NFIB: variants seen among roughly 807,000 people sequenced by gnomAD.
NFIB encodes nuclear factor I B.
Under a neutral mutation model 61.5 loss-of-function variants are expected in NFIB, and 11 were observed. The ratio of observed to expected loss-of-function variants is 0.18; its 90% CI spans 0.11 to 0.30. The LOEUF (loss-of-function observed/expected upper bound fraction) is 0.30, where lower values mean the gene tolerates loss of function less well. NFIB is among the 10% of genes least tolerant of loss of function. The probability of loss-of-function intolerance (pLI) is 1.00; values close to 1 mark genes in which losing one functional copy is unlikely to be tolerated. For missense variants in NFIB, 471 were observed against 608.9 expected (o/e 0.77, Z 2.38); for synonymous variants, 260 against 216.5 (o/e 1.20, Z -1.76).
the NFIB span, among the ~76,000 whole-genome samples, chr9:14,488,326 G>A: frequency 1.7e-4 from 26 of 150,040 alleles, no homozygotes; most frequent in African/African-American, 4.9e-4. Flanking sequence ...TCACACCACC[G>A]CACTTCAATC....
At chr9:14,107,091 T>TGAA (rs1228239043) in intron 10 of NFIB, among the ~76,000 whole-genome samples, 3 of 151,978 alleles carry the variant, frequency 2.0e-5, no homozygotes, top group Admixed American at 2.0e-4. Context: ...TTTTAAGGGG[T>TGAA]GAAGGCTCTT....
At position 14,085,377 on chromosome 9, in the gene NFIB, G is replaced by C. The variant is rs1001716072; in HGVS notation, c.*2932C>G. The C allele has an allele frequency of 1.8e-5, 4 of 224,490 alleles. No individual in the cohort carries two copies. The Admixed American group carries it at 2.3e-4, about 13-fold the overall frequency. 13.9% of individuals were successfully genotyped at this position (224,490 alleles called of 1,614,324 possible). A position where few individuals can be genotyped will look rare whatever the true frequency, so the allele number is the denominator to read the frequency against. On this transcript the variant is annotated 3_prime_UTR_variant, in exon 11 of 11. Transcript: ENST00000380953. ...TTCTAGTAATGAATACACTCAATGG[G>C]ACTGGGCGGTGAGGGAAAGGCAAAA...
intron 8 of NFIB, among the ~76,000 whole-genome samples, chr9:14,117,960 A>G (rs770162696): frequency 6.6e-5 from 10 of 152,154 alleles, no homozygotes; most frequent in African/African-American, 9.6e-5. Context: ...ACAGCTGACT[A>G]GAAGTGAATG....
chr9:14,086,486 C>G lies in NFIB; in HGVS notation c.*1823G>C. 1 of 214,610 alleles carries G rather than the reference C, an allele frequency of 4.7e-6. No individual in the cohort carries two copies. Among genetic ancestry groups the G allele is most frequent in the Non-Finnish European group, 9.4e-6 (1 of 106,526 alleles). 13.3% of individuals were successfully genotyped at this position (214,610 alleles called of 1,614,324 possible). ...TTGCATAATTCGTATAAATTTGAAA[C>G]CCCTCCCCCCCAAATATTAATTGGA... On this transcript the variant is annotated 3_prime_UTR_variant, in exon 11 of 11. Transcript: ENST00000380953.
intron 1 of NFIB, among the ~76,000 whole-genome samples, chr9:14,389,245 T>C (rs981287307): frequency 6.6e-6 from 1 of 152,196 alleles, no homozygotes; most frequent in African/African-American, 2.4e-5. Context: ...TTCCTGGTGC[T>C]CATGATTCTT....
chr9:14,231,396 C>T (rs538097645), intron 2 of NFIB, among the ~76,000 whole-genome samples: 4 of 151,942 alleles, frequency 2.6e-5, no homozygotes, highest in Non-Finnish European at 5.9e-5. Context: ...TTACACACTT[C>T]ACTGTTCAAG....
chr9:14,245,648 G>A (rs1196658926), intron 2 of NFIB, among the ~76,000 whole-genome samples: 1 of 152,094 alleles, frequency 6.6e-6, no homozygotes, highest in Admixed American at 6.6e-5. Flanking sequence ...AAAGGCAGGT[G>A]GATTACTTGA....
chr9:14,132,333 T>C (rs1049563492), intron 6 of NFIB, among the ~76,000 whole-genome samples: 17 of 152,210 alleles, frequency 1.1e-4, no homozygotes, highest in Admixed American at 4.6e-4. Context: ...TACTTGTAAC[T>C]TGTAAACAAG....
the NFIB span, among the ~76,000 whole-genome samples, chr9:14,455,407 C>T: frequency 3.3e-5 from 5 of 152,130 alleles, no homozygotes; most frequent in African/African-American, 7.2e-5. Context: ...AGTGGTATGT[C>T]GCAATAGCCA....
upstream of NFIB, among the ~76,000 whole-genome samples, chr9:14,315,440 G>A (rs1324842573): frequency 4.0e-5 from 6 of 149,322 alleles, no homozygotes; most frequent in African/African-American, 9.8e-5. Flanking sequence ...CCCGCTGGCT[G>A]GCTCCCAATC....
the NFIB span, among the ~76,000 whole-genome samples, chr9:14,498,410 G>C: frequency 2.6e-4 from 39 of 152,274 alleles, no homozygotes; most frequent in African/African-American, 9.1e-4. Context: ...TGTCCTACTG[G>C]GTAGCGTGGA....
At chr9:14,305,880 G>A (rs749962457) in intron 2 of NFIB, 47 of 746,148 alleles carry the variant, frequency 6.3e-5, no homozygotes, top group Non-Finnish European at 8.1e-5. Flanking sequence ...GTTTGGAAAT[G>A]ACCTACCATC....
In NFIB at chr9:14,179,767, T is replaced by C; in HGVS notation, c.576A>G (p.Ser192=). ...CAGGATCATTGTGGCTTGGACTTCC[T>C]GATTGTCCAGAATCTGTAAAGAAAT... ...YYVQEQDSGQ[S]GSPSHNDPAK... The change falls in exon 3 of 11, where the codon TCA becomes TCG. Residue 192 remains serine (S), a synonymous_variant. Transcript: ENST00000380953. The C allele has an allele frequency of 6.2e-7, 1 of 1,613,412 alleles. No individual in the cohort carries two copies. The highest frequency in any genetic ancestry group is 8.5e-7 in the Non-Finnish European group (1 of 1,179,572).
Position 14,356,779 on chromosome 9 carries a change from T to C in NFIB, c.108+41745A>G, listed in dbSNP as rs551923542. Among the ~76,000 whole-genome samples the C allele has an allele frequency of 2.2e-4, 33 of 152,200 alleles. 1 individual carries two copies. In the South Asian group the frequency reaches 6.6e-3, roughly 31 times the overall value. On this transcript the variant is annotated intron_variant, in intron 1 of 8. Coordinates refer to the NFIB transcript ENST00000380934. ...ATTATGAATAATGATACACTTCAGT[T>C]TTATAGTGCATGCCATACCAGTGGA...
the NFIB span, among the ~76,000 whole-genome samples, chr9:14,473,305 T>C: frequency 6.6e-6 from 1 of 152,222 alleles, no homozygotes; most frequent in Non-Finnish European, 1.5e-5. Flanking sequence ...AGAAAATCAA[T>C]GGTCATTTGA....
the NFIB span, among the ~76,000 whole-genome samples, chr9:14,416,188 T>C: frequency 2.6e-5 from 4 of 152,236 alleles, no homozygotes; most frequent in Non-Finnish European, 5.9e-5. Flanking sequence ...AAACCACATA[T>C]ACCATAATGG....
rs905805785 is a variant in NFIB at position 14,398,156 on chromosome 9, C to G, written c.108+368G>C. On this transcript the variant is annotated intron_variant, in intron 1 of 8. Coordinates refer to the NFIB transcript ENST00000380934. The stretch of plus-strand genomic sequence containing the variant: ...AGGTATAAAAAAACAAAGAAAGATA[C>G]TTATCTTCATTTCGTGGATTATTTC... Among the ~76,000 whole-genome samples the G allele has an allele frequency of 4.6e-5, 7 of 152,216 alleles. No individual in the cohort carries two copies. In the East Asian group the frequency reaches 1.4e-3, roughly 29 times the overall value.
intron 1 of NFIB, among the ~76,000 whole-genome samples, chr9:14,368,786 A>T (rs1004747701): frequency 1.3e-5 from 2 of 152,212 alleles, no homozygotes; most frequent in African/African-American, 4.8e-5. Context: ...TTATGTCTGC[A>T]TAGCTCATTT....
At position 14,098,137 on chromosome 9, in the gene NFIB, A is replaced by T. The variant is rs1286008711; in HGVS notation, c.1468-9811T>A. On this transcript the variant is annotated intron_variant, in intron 10 of 10. Transcript: ENST00000380953. Reference sequence around the variant, plus strand: ...CAATTATGGCATCCGCAGAAACACAAAAATCCTCCCAATTATTTTAGTAAA... The same window carrying T: ...CAATTATGGCATCCGCAGAAACACATAAATCCTCCCAATTATTTTAGTAAA... 2.0e-5 allele frequency among the ~76,000 whole-genome samples: 3 copies of T among 152,168 alleles called. No individual in the cohort carries two copies. In the East Asian group the frequency reaches 5.8e-4, roughly 29 times the overall value.
Sources: allele counts gnomAD v4.1 joint callset (sites outside exome capture counted in the v4.1 genomes callset), GRCh38; gene constraint gnomAD v4.1.1; transcripts MANE v1.5; gene names NCBI Gene and HGNC (gene_info 2026-07-23, HGNC 2026-07-21).